The following MAL2 variants were observed in gnomAD, a reference collection of about 807,000 sequenced individuals.
MAL2 encodes the protein mal, T cell differentiation protein 2, also known as protein MAL2.
Under a neutral mutation model 18.1 loss-of-function variants are expected in MAL2, and 17 were observed. That is an observed-to-expected ratio of 0.94 (90% confidence interval 0.64 to 1.41). The LOEUF is 1.41. Ranked by LOEUF, MAL2 falls within the 40% of genes most tolerant of loss-of-function variation. The probability of loss-of-function intolerance (pLI) is 0.00; values close to 1 mark genes in which losing one functional copy is unlikely to be tolerated. For synonymous variants in MAL2, 102 were observed against 102.3 expected, an observed-to-expected ratio of 1.00 and a Z score of 0.02; for missense variants, 222 against 231.9, an observed-to-expected ratio of 0.96 and a Z score of 0.28.
At chr8:119,237,943 A>T (rs1023406764) in intron 2 of MAL2, among the ~76,000 whole-genome samples, 1 of 152,210 alleles carries the variant, frequency 6.6e-6, no homozygotes, top group Non-Finnish European at 1.5e-5. Flanking sequence ...GGCCAGGGCC[A>T]TCAGGCAGAA....
intron 1 of MAL2, among the ~76,000 whole-genome samples, chr8:119,219,290 T>C (rs1817417571): frequency 6.6e-6 from 1 of 152,344 alleles, no homozygotes; most frequent in East Asian, 1.9e-4. Context: ...TCAAAAATGT[T>C]TCTTCAAAGT....
chr8:119,231,122 C>T (rs926602948), intron 2 of MAL2, among the ~76,000 whole-genome samples: 3 of 152,158 alleles, frequency 2.0e-5, no homozygotes, highest in Admixed American at 1.3e-4. Context: ...AGCTCCACCT[C>T]CCAGGTTCAC....
intron 3 of MAL2, among the ~76,000 whole-genome samples, chr8:119,241,848 AG>A (rs1818054267): frequency 6.6e-6 from 1 of 152,232 alleles, no homozygotes. Context: ...CAATAAATCT[AG>A]AAGATAAAAG....
chr8:119,232,096 TTA>T (rs931651891), intron 2 of MAL2, among the ~76,000 whole-genome samples: 5 of 148,130 alleles, frequency 3.4e-5, no homozygotes, highest in African/African-American at 1.3e-4. Context: ...TTGGGAGGTT[TTA>T]TATATTTTTT....
At chr8:119,216,458 C>T (rs1817357339) in intron 1 of MAL2, among the ~76,000 whole-genome samples, 1 of 152,138 alleles carries the variant, frequency 6.6e-6, no homozygotes, top group Non-Finnish European at 1.5e-5. Context: ...AATGTTGTCT[C>T]TCAAGGTCTG....
At chr8:119,238,458 G>T (rs1426123526) in intron 2 of MAL2, among the ~76,000 whole-genome samples, 1 of 152,020 alleles carries the variant, frequency 6.6e-6, no homozygotes, top group Non-Finnish European at 1.5e-5. Context: ...AAAAGAGCCC[G>T]CATCGCCAAG....
intron 2 of MAL2, among the ~76,000 whole-genome samples, chr8:119,229,995 G>A (rs935161512): frequency 3.3e-5 from 5 of 152,178 alleles, no homozygotes; most frequent in East Asian, 3.9e-4. Context: ...ATCACAAGGA[G>A]ACAGCTGCTG....
In MAL2 at chr8:119,219,520, GGTGTGTGTGTGT is replaced by G. The variant is rs143315878; in HGVS notation, c.133-2043_133-2032del. Reference sequence around the variant, plus strand: ...AGAGCGTGCTCTATCACTCTCCCTGGGTGTGTGTGTGTGTGTGTGTGTGTGTGTGTGTGTGAG... The same window carrying G: ...AGAGCGTGCTCTATCACTCTCCCTGGGTGTGTGTGTGTGTGTGTGTGTGAG... On this transcript the variant is annotated intron_variant, in intron 1 of 3. Coordinates refer to ENST00000614891, the MANE Select transcript of MAL2 (RefSeq NM_052886.3). 3.0e-3 allele frequency among the ~76,000 whole-genome samples: 439 copies of G among 148,014 alleles called. 2 individuals are homozygous for G. Among genetic ancestry groups the G allele is most frequent in the African/African-American group, 0.01 (409 of 40,332 alleles).
intron 1 of MAL2, among the ~76,000 whole-genome samples, chr8:119,213,056 A>G (rs1817290545): frequency 6.6e-6 from 1 of 152,192 alleles, no homozygotes; most frequent in Non-Finnish European, 1.5e-5. Flanking sequence ...TAAGGGATGA[A>G]AAGAACCTGA....
At position 119,231,470 on chromosome 8, in the gene MAL2, CA is replaced by C. The variant is rs769870155; in HGVS notation, c.304-8692del. On this transcript the variant is annotated intron_variant, in intron 2 of 3. Coordinates refer to ENST00000614891, the MANE Select transcript of MAL2 (RefSeq NM_052886.3). Reference sequence around the variant, plus strand: ...GTTTGATAGGAAAGAACGTAGACTTCAAAGGGAACCCTTGCACACTGTTGGT... The same window carrying C: ...GTTTGATAGGAAAGAACGTAGACTTCAAGGGAACCCTTGCACACTGTTGGT... 3.3e-5 allele frequency among the ~76,000 whole-genome samples: 5 copies of C among 152,164 alleles called. No individual in the cohort carries two copies. The East Asian group carries it at 7.7e-4, about 23-fold the overall frequency.
intron 3 of MAL2, among the ~76,000 whole-genome samples, chr8:119,240,557 G>A (rs368032682): frequency 7.2e-5 from 11 of 152,224 alleles, no homozygotes; most frequent in African/African-American, 2.7e-4. Context: ...ATCATAGCAA[G>A]CCAGTAGGAC....
intron 2 of MAL2, among the ~76,000 whole-genome samples, chr8:119,236,105 C>A (rs1313724969): frequency 2.0e-5 from 1 of 50,480 alleles, no homozygotes; most frequent in African/African-American, 9.0e-5. Context: ...GAAGATCTAC[C>A]AAGCAAATGG....
At chr8:119,230,668 A>AAAC (rs1182634575) in intron 2 of MAL2, among the ~76,000 whole-genome samples, 4 of 152,208 alleles carry the variant, frequency 2.6e-5, no homozygotes, top group African/African-American at 9.6e-5. Context: ...ATTTAAAGAT[A>AAAC]AACTATTTCT....
In MAL2 at chr8:119,221,110, ATT is replaced by A. The variant is rs368740205; in HGVS notation, c.133-470_133-469del. 432 of 156,986 alleles carry A rather than the reference ATT, an allele frequency of 2.8e-3. 1 individual carries two copies. The highest frequency in any genetic ancestry group is 9.8e-3 in the African/African-American group (406 of 41,544). The allele number at this position is 156,986 out of a possible 1,614,324, so 9.7% of individuals were successfully genotyped here. On this transcript the variant is annotated intron_variant, in intron 1 of 3. Coordinates refer to ENST00000614891, the MANE Select transcript of MAL2 (RefSeq NM_052886.3). ...AACAGCTGCAACTATTATTCTATCC[ATT>A]TTTTTTACTAACTCTCTAAGAAGCA...
In MAL2 at chr8:119,221,718, T is replaced by C; in HGVS notation, c.264T>C (p.Ser88=). 2 of 1,613,942 alleles carry C rather than the reference T, an allele frequency of 1.2e-6. No homozygotes were observed. Among genetic ancestry groups the C allele is most frequent in the Non-Finnish European group, 1.7e-6 (2 of 1,179,846 alleles). Residue 88 remains serine, a synonymous_variant, in exon 2 of 4, where the codon TCT becomes TCC. Transcript: ENST00000614891. ...TCCTCTTTCTGGGCATGTTCCTCTC[T>C]GGCATGGTGGCTCAAATTGATGCTA... ...FSLLFLGMFL[S]GMVAQIDANW...
chr8:119,224,911 T>G (rs1265763470), intron 2 of MAL2, among the ~76,000 whole-genome samples: 1 of 152,220 alleles, frequency 6.6e-6, no homozygotes, highest in Non-Finnish European at 1.5e-5. Context: ...ATTCATTTGC[T>G]TATTTGACCT....
At chr8:119,240,101 T>C (rs1198671292) in intron 2 of MAL2, 64 bp from the exon 3 acceptor site, 15 of 1,524,822 alleles carry the variant, frequency 9.8e-6, no homozygotes, top group Non-Finnish European at 1.3e-5. Flanking sequence ...AACTTCATTA[T>C]TTAAAATAAG....
intron 2 of MAL2, among the ~76,000 whole-genome samples, chr8:119,234,215 C>T (rs956548457): frequency 2.0e-5 from 3 of 152,160 alleles, no homozygotes; most frequent in Admixed American, 6.5e-5. Flanking sequence ...CCGGGAAAAT[C>T]GGGTCACTCC....
intron 2 of MAL2, among the ~76,000 whole-genome samples, chr8:119,225,060 T>A (rs1174141035): frequency 6.7e-6 from 1 of 149,970 alleles, no homozygotes; most frequent in African/African-American, 2.5e-5. Context: ...CGATGCAGCT[T>A]TTTTTTTTAA....
Sources: allele counts gnomAD v4.1 joint callset (sites outside exome capture counted in the v4.1 genomes callset), GRCh38; gene constraint gnomAD v4.1.1; transcripts MANE v1.5; gene names NCBI Gene and HGNC (gene_info 2026-07-23, HGNC 2026-07-21).